Variants in GOLIM4 observed in about 807,000 individuals in gnomAD.
GOLIM4 encodes 130 kDa golgi-localized phosphoprotein.
In GOLIM4, 71 loss-of-function variants were observed where a neutral mutation model predicts 107.4. That is an observed-to-expected ratio of 0.66 (90% CI 0.55 to 0.81). GOLIM4 has a LOEUF of 0.81. Ranked by LOEUF, GOLIM4 falls within the 30% of genes least tolerant of loss-of-function variation. GOLIM4 has a pLI of 0.00. For missense variants in GOLIM4, 830 were observed against 826.1 expected (o/e 1.00, Z -0.06); for synonymous variants, 327 against 294.8 (o/e 1.11, Z -1.12).
intron 1 of GOLIM4, among the ~76,000 whole-genome samples, chr3:168,067,024 C>A (rs1046740278): frequency 1.3e-5 from 2 of 152,032 alleles, no homozygotes; most frequent in African/African-American, 4.8e-5. Flanking sequence ...TATCCTCCTA[C>A]CCTCCATAAA....
chr3:168,044,641 C>T (rs569018224), intron 4 of GOLIM4, among the ~76,000 whole-genome samples, 187 bp downstream of exon 4: 4 of 152,058 alleles, frequency 2.6e-5, no homozygotes, highest in East Asian at 3.9e-4. Flanking sequence ...TCTATGTAAT[C>T]GAGTGATAAA....
At chr3:168,034,907 C>T (rs1198900578) in intron 8 of GOLIM4, among the ~76,000 whole-genome samples, 2 of 152,200 alleles carry the variant, frequency 1.3e-5, no homozygotes, top group Non-Finnish European at 2.9e-5. Context: ...GATTGTGAGG[C>T]TTCCCCAGCC....
rs367654813 is a variant in GOLIM4 at position 168,035,749 on chromosome 3, A to G, written c.843+1087T>C. ...CAAACTCCCATGACACAGTTTACCT[A>G]CGTAACAAACTTGCTCATGTACCCC... is the stretch of plus-strand genomic sequence containing the variant. On this transcript the variant is annotated intron_variant, in intron 8 of 15. Coordinates refer to ENST00000470487, the MANE Select transcript of GOLIM4 (RefSeq NM_014498.5). 2.0e-5 allele frequency among the ~76,000 whole-genome samples: 3 copies of G among 152,334 alleles called. No individual in the cohort carries two copies. In the East Asian group the frequency reaches 5.8e-4, roughly 29 times the overall value.
chr3:168,078,131 A>G (rs1721159888), intron 1 of GOLIM4, among the ~76,000 whole-genome samples: 1 of 152,144 alleles, frequency 6.6e-6, no homozygotes, highest in African/African-American at 2.4e-5. Flanking sequence ...GGTCTCCCTC[A>G]ATTACTAGAT....
At chr3:168,016,670 A>G (rs1438521031) in intron 14 of GOLIM4, among the ~76,000 whole-genome samples, 2 of 134,260 alleles carry the variant, frequency 1.5e-5, no homozygotes, top group Non-Finnish European at 3.0e-5. Flanking sequence ...AGACTGGATT[A>G]AGAAAATGTG....
chr3:168,072,970 T>C (rs1424663918), intron 1 of GOLIM4, among the ~76,000 whole-genome samples: 2 of 152,204 alleles, frequency 1.3e-5, no homozygotes, highest in Non-Finnish European at 2.9e-5. Flanking sequence ...AATATATGAT[T>C]AAATAATTTA....
chr3:168,040,680 A>T, intron 7 of GOLIM4, 106 bp downstream of exon 7: 1 of 679,308 alleles, frequency 1.5e-6, no homozygotes, highest in Non-Finnish European at 2.6e-6. Context: ...GCTCTGTCCT[A>T]AGGAACTCAC....
chr3:168,057,543 G>T (rs1410008607), intron 1 of GOLIM4, among the ~76,000 whole-genome samples: 2 of 152,102 alleles, frequency 1.3e-5, no homozygotes, highest in Non-Finnish European at 2.9e-5. Flanking sequence ...ATCAGATCTT[G>T]TAAGAACTCC....
chr3:168,087,907 A>G (rs1233715478), intron 1 of GOLIM4, among the ~76,000 whole-genome samples: 2 of 152,220 alleles, frequency 1.3e-5, no homozygotes, highest in Non-Finnish European at 2.9e-5. Context: ...TGGATTAAAA[A>G]TAATTTAATT....
At chr3:168,049,995 T>C (rs1051553524) in intron 1 of GOLIM4, among the ~76,000 whole-genome samples, 2 of 152,156 alleles carry the variant, frequency 1.3e-5, no homozygotes, top group African/African-American at 4.8e-5. Context: ...CAAATTTGTA[T>C]GGTGTGGTCC....
At chr3:168,079,395 T>C (rs1266048418) in intron 1 of GOLIM4, among the ~76,000 whole-genome samples, 4 of 152,192 alleles carry the variant, frequency 2.6e-5, no homozygotes, top group Admixed American at 6.6e-5. Flanking sequence ...GCTTATTCTT[T>C]GAGGTTGGAA....
At chr3:168,071,362 T>C (rs1415432351) in intron 1 of GOLIM4, among the ~76,000 whole-genome samples, 1 of 152,102 alleles carries the variant, frequency 6.6e-6, no homozygotes, top group Non-Finnish European at 1.5e-5. Context: ...TAACAGATAA[T>C]GAATTTCAGC....
intron 5 of GOLIM4, among the ~76,000 whole-genome samples, chr3:168,042,261 T>TA (rs1365600239): frequency 1.3e-5 from 2 of 151,164 alleles, no homozygotes; most frequent in Non-Finnish European, 2.9e-5. Flanking sequence ...TTTGACAGAG[T>TA]CTCTCTCTGT....
chr3:168,087,429 G>A (rs1372710949), intron 1 of GOLIM4, among the ~76,000 whole-genome samples: 2 of 152,092 alleles, frequency 1.3e-5, no homozygotes, highest in East Asian at 1.9e-4. Context: ...TGTCAGGAAA[G>A]CATTGAAAGG....
Position 168,010,710 on chromosome 3 carries a change from A to G in GOLIM4, c.1941+33T>C, listed in dbSNP as rs564524564. 25 of 1,454,652 alleles carry G rather than the reference A, an allele frequency of 1.7e-5. No individual in the cohort carries two copies. In the African/African-American group the frequency reaches 3.1e-4, roughly 18 times the overall value. 90.1% of individuals were successfully genotyped at this position (1,454,652 alleles called of 1,614,324 possible). A position where few individuals can be genotyped will look rare whatever the true frequency, so the allele number is the denominator to read the frequency against. Reference sequence around the variant, plus strand: ...ACACATGCACACCCACAAACACTCAAGTGCTCAATAGAAATATGTATCCCG... The same window carrying G: ...ACACATGCACACCCACAAACACTCAGGTGCTCAATAGAAATATGTATCCCG... On this transcript the variant is annotated intron_variant, in intron 15 of 15. Transcript: ENST00000470487.
At position 168,095,423 on chromosome 3, in the gene GOLIM4, G is replaced by A. The variant is rs1041133181; in HGVS notation, c.-138C>T. 10 of 688,684 alleles carry A rather than the reference G, an allele frequency of 1.5e-5. No homozygotes were observed. In the Admixed American group the frequency reaches 2.5e-4, roughly 18 times the overall value. The allele number at this position is 688,684 out of a possible 1,614,324, so 42.7% of individuals were successfully genotyped here. On this transcript the variant is annotated 5_prime_UTR_variant, in exon 1 of 16. Transcript: ENST00000470487. The stretch of plus-strand genomic sequence containing the variant: ...AGATGCCAGACACAAAAGCCGGCCC[G>A]GAGGGGAAGTGGCGCCCGCTCAGCC...
At chr3:168,042,756 C>T (rs1185525991) in intron 5 of GOLIM4, among the ~76,000 whole-genome samples, 1 of 152,152 alleles carries the variant, frequency 6.6e-6, no homozygotes, top group Non-Finnish European at 1.5e-5. Context: ...AATTTATGAG[C>T]AACTACTCTA....
chr3:168,033,564 G>C (rs1324950440), intron 8 of GOLIM4, among the ~76,000 whole-genome samples: 1 of 113,956 alleles, frequency 8.8e-6, no homozygotes, highest in African/African-American at 3.3e-5. Context: ...CCGAGATTGC[G>C]CCACTGCACT....
chr3:168,057,390 G>C lies in GOLIM4; in HGVS notation c.188-9025C>G, dbSNP rs563396048. Among the ~76,000 whole-genome samples, 70 of 152,326 alleles carry C rather than the reference G, an allele frequency of 4.6e-4. No homozygotes were observed. In the South Asian group the frequency reaches 0.014, roughly 31 times the overall value. ...ATACTGCTATACAGATACTACCTGAGACTGGGTAACTTATGAACAAAAGAG... is the reference window on the plus strand; with the variant it reads ...ATACTGCTATACAGATACTACCTGACACTGGGTAACTTATGAACAAAAGAG... On this transcript the variant is annotated intron_variant, in intron 1 of 15. Coordinates refer to ENST00000470487, the MANE Select transcript of GOLIM4 (RefSeq NM_014498.5).
Sources: gnomAD v4.1 joint callset for allele counts (sites outside exome capture counted in the v4.1 genomes callset) on GRCh38, gnomAD v4.1.1 for gene constraint, MANE v1.5 for transcripts, NCBI Gene and HGNC (gene_info 2026-07-23, HGNC 2026-07-21) for gene names.